PSD3: variants seen among roughly 807,000 people sequenced by gnomAD.
PSD3 encodes PH and SEC7 domain-containing protein 3.
A neutral mutation model predicts 105.5 loss-of-function variants in PSD3; 49 were observed. The observed-to-expected ratio is 0.46, with a 90% confidence interval of 0.37 to 0.59. The LOEUF is 0.59. PSD3 is among the 20% of genes least tolerant of loss of function. The pLI is 0.00. For missense variants in PSD3, 1,561 were observed against 1,263.8 expected (o/e 1.24, Z -3.57); for synonymous variants, 557 against 457.8 (o/e 1.22, Z -2.77).
intron 6 of PSD3, among the ~76,000 whole-genome samples, chr8:18,804,047 C>A (rs557473215): frequency 6.6e-6 from 1 of 152,184 alleles, no homozygotes; most frequent in Non-Finnish European, 1.5e-5. Flanking sequence ...TGAACTCAGG[C>A]TTACCAGTAG....
At chr8:19,048,627 C>T (rs1828410196) in intron 1 of PSD3, among the ~76,000 whole-genome samples, 1 of 151,936 alleles carries the variant, frequency 6.6e-6, no homozygotes, top group African/African-American at 2.4e-5. Flanking sequence ...CTGTGAAATG[C>T]TGAGTTGACA....
At chr8:18,992,474 T>C (rs1389467679) in intron 1 of PSD3, among the ~76,000 whole-genome samples, 1 of 152,156 alleles carries the variant, frequency 6.6e-6, no homozygotes, top group South Asian at 2.1e-4. Context: ...CTATATCCTT[T>C]CTTATCCTTT....
At chr8:18,608,900 T>C (rs948440322) in intron 11 of PSD3, among the ~76,000 whole-genome samples, 1 of 152,368 alleles carries the variant, frequency 6.6e-6, no homozygotes, top group African/African-American at 2.4e-5. Context: ...TCCAATTTTC[T>C]ATTTCATTCA....
intron 10 of PSD3, among the ~76,000 whole-genome samples, chr8:18,650,918 G>C (rs1808423731): frequency 6.6e-6 from 1 of 152,134 alleles, no homozygotes; most frequent in South Asian, 2.1e-4. Flanking sequence ...TGGTGCCATA[G>C]GAGGCCATAA....
intron 2 of PSD3, among the ~76,000 whole-genome samples, chr8:18,876,413 G>T (rs1817737113): frequency 6.6e-6 from 1 of 151,986 alleles, no homozygotes; most frequent in Admixed American, 6.6e-5. Flanking sequence ...TTGAGACAGG[G>T]TCTCACTCTG....
intron 15 of PSD3, 77 bp from the exon 16 acceptor site, chr8:18,536,035 C>T (rs1799827114): frequency 7.3e-7 from 1 of 1,363,532 alleles, no homozygotes; most frequent in South Asian, 1.2e-5. Flanking sequence ...TGTGTATTAC[C>T]CACCTGGAGA....
At chr8:18,567,246 G>C (rs910269121) in intron 14 of PSD3, among the ~76,000 whole-genome samples, 1 of 126,014 alleles carries the variant, frequency 7.9e-6, no homozygotes, top group African/African-American at 3.0e-5. Flanking sequence ...AAAATTAATA[G>C]AGCAAAACTC....
chr8:19,075,083 T>C (rs35957979), intron 1 of PSD3, among the ~76,000 whole-genome samples: 63,491 of 151,448 alleles, frequency 0.42, 13,917 homozygotes, highest in East Asian at 0.72. Context: ...GTAGTTGGGA[T>C]TACAGGCACA....
intron 2 of PSD3, among the ~76,000 whole-genome samples, chr8:18,907,787 A>G (rs1283437428): frequency 6.6e-6 from 1 of 152,256 alleles, no homozygotes; most frequent in Admixed American, 6.5e-5. Flanking sequence ...CCCCGTGAAT[A>G]CAACAACAGA....
At chr8:18,590,747 C>T (rs1368017616) in intron 12 of PSD3, among the ~76,000 whole-genome samples, 1 of 151,726 alleles carries the variant, frequency 6.6e-6, no homozygotes, top group Non-Finnish European at 1.5e-5. Flanking sequence ...ATCTATTTAA[C>T]AAAAAATACT....
intron 9 of PSD3, among the ~76,000 whole-genome samples, chr8:18,697,546 T>C (rs1563179592): frequency 1.3e-5 from 2 of 152,198 alleles, no homozygotes; most frequent in Non-Finnish European, 2.9e-5. Flanking sequence ...AGAAGTCAAC[T>C]TGGGAACATT....
intron 11 of PSD3, among the ~76,000 whole-genome samples, chr8:18,614,845 C>T (rs369598832): frequency 3.3e-5 from 5 of 151,612 alleles, no homozygotes; most frequent in African/African-American, 7.3e-5. Flanking sequence ...AATGTTGCCC[C>T]GGCTGGTCTC....
chr8:18,871,566 A>T, intron 3 of PSD3, 60 bp downstream of exon 3: 1 of 1,519,320 alleles, frequency 6.6e-7, no homozygotes, highest in Non-Finnish European at 8.8e-7. Flanking sequence ...AGTACAGGAT[A>T]ACAGTTTTCT....
At chr8:18,914,695 A>C (rs571560504) in intron 2 of PSD3, among the ~76,000 whole-genome samples, 2 of 152,216 alleles carry the variant, frequency 1.3e-5, no homozygotes, top group Admixed American at 6.5e-5. Context: ...ATAAAACACT[A>C]ATGAAAAAAG....
chr8:18,765,785 G>C (rs1259154438), intron 8 of PSD3, among the ~76,000 whole-genome samples: 1 of 151,982 alleles, frequency 6.6e-6, no homozygotes, highest in African/African-American at 2.4e-5. Flanking sequence ...AACATGTTTA[G>C]TAAAAACCCC....
At chr8:18,947,051 T>C (rs968768169) in intron 1 of PSD3, among the ~76,000 whole-genome samples, 1 of 152,106 alleles carries the variant, frequency 6.6e-6, no homozygotes, top group African/African-American at 2.4e-5. Context: ...ATGGCTCACG[T>C]ATGCCCTACA....
chr8:18,824,409 A>G (rs1273298363), intron 4 of PSD3, among the ~76,000 whole-genome samples: 1 of 152,218 alleles, frequency 6.6e-6, no homozygotes, highest in Non-Finnish European at 1.5e-5. Flanking sequence ...TCTCAGCTCT[A>G]AATTATGTCA....
At chr8:18,955,065 A>T (rs773582390) in intron 1 of PSD3, among the ~76,000 whole-genome samples, 57 of 152,162 alleles carry the variant, frequency 3.7e-4, no homozygotes, top group Non-Finnish European at 6.5e-4. Context: ...ATCACCTTCA[A>T]ATGTTAGTGG....
At chr8:18,691,301 G>C (rs1800962286) in intron 9 of PSD3, among the ~76,000 whole-genome samples, 1 of 152,212 alleles carries the variant, frequency 6.6e-6, no homozygotes, top group Non-Finnish European at 1.5e-5. Context: ...TTAGACCAGA[G>C]TGATGCATTA....
Sources: allele counts gnomAD v4.1 joint callset (sites outside exome capture counted in the v4.1 genomes callset), GRCh38; gene constraint gnomAD v4.1.1; transcripts MANE v1.5; gene names NCBI Gene and HGNC (gene_info 2026-07-23, HGNC 2026-07-21).